Variants in STAT1 observed in about 807,000 individuals in gnomAD.
STAT1 encodes the protein signal transducer and activator of transcription 1-alpha/beta.
In STAT1, 24 loss-of-function variants were observed where a neutral mutation model predicts 111.7. That is an observed-to-expected ratio of 0.21 (90% confidence interval 0.16 to 0.30). The LOEUF (loss-of-function observed/expected upper bound fraction) is 0.30. Ranked by LOEUF, STAT1 falls within the 10% of genes least tolerant of loss-of-function variation. The pLI, the probability that STAT1 is intolerant of heterozygous loss-of-function variation, is 1.00. For missense variants in STAT1, 351 were observed against 911.9 expected (o/e 0.38, Z 7.92); for synonymous variants, 332 against 326.5 (o/e 1.02, Z -0.18).
chr2:190,987,162 G>C lies in STAT1; in HGVS notation c.1098-94C>G. ...AGAGTATAAGAGCATAAGAGTGTAAGTGAATGATGAATAAAAAATAAATCT... is the reference window on the plus strand; with the variant it reads ...AGAGTATAAGAGCATAAGAGTGTAACTGAATGATGAATAAAAAATAAATCT... On this transcript the variant is annotated intron_variant, in intron 12 of 24. Transcript: ENST00000361099. This position sits in a 1 kb window ranked among gnomAD's most constrained non-coding sequence, Gnocchi z 4.0. 1 of 946,668 alleles carries C rather than the reference G, an allele frequency of 1.1e-6. No individual in the cohort carries two copies. Among genetic ancestry groups the C allele is most frequent in the East Asian group, 2.6e-5 (1 of 39,204 alleles). The allele number at this position is 946,668 out of a possible 1,614,324, so 58.6% of individuals were successfully genotyped here.
chr2:191,001,889 C>T (rs11677408), intron 5 of STAT1, among the ~76,000 whole-genome samples: 8,829 of 152,142 alleles, frequency 0.058, 317 homozygotes, highest in East Asian at 0.11. Flanking sequence ...AACCAGTGAT[C>T]CCTGTTCTCA....
rs1695353681 is a variant in STAT1 at position 191,014,052 on chromosome 2, C to A, written c.-190G>T. ...AGGATCCGGAAGGGCTAGGCGGGGG[C>A]GCGGCGGTGCAGCCTCTCCCGAGCG... On this transcript the variant is annotated 5_prime_UTR_variant, in exon 1 of 25. Transcript: ENST00000361099. 5.7e-6 allele frequency: 1 copy of A among 175,444 alleles called. No homozygotes were observed. Among genetic ancestry groups the A allele is most frequent in the African/African-American group, 2.4e-5 (1 of 42,478 alleles). 10.9% of individuals were successfully genotyped at this position (175,444 alleles called of 1,614,324 possible).
In STAT1 at chr2:190,980,515, C is replaced by T. The variant is rs548555556; in HGVS notation, c.1632+105G>A. 2.7e-5 allele frequency: 37 copies of T among 1,363,514 alleles called. No individual in the cohort carries two copies. Among genetic ancestry groups the T allele is most frequent in the Admixed American group, 1.9e-4 (11 of 59,280 alleles). The allele number at this position is 1,363,514 out of a possible 1,614,324, so 84.5% of individuals were successfully genotyped here. On this transcript the variant is annotated intron_variant, in intron 19 of 24. Transcript: ENST00000361099. This position sits in a 1 kb window ranked among gnomAD's most constrained non-coding sequence, Gnocchi z 6.1. ...GGGGCTCCTTGGCCAGAGAAGAACA[C>T]GCCAAAATAAGCAAACAGTTAAGTA...
At chr2:191,008,101 C>G in intron 4 of STAT1, 1 of 428,790 alleles carries the variant, frequency 2.3e-6, no homozygotes, top group South Asian at 1.7e-5. Context: ...ATTGTCAAAG[C>G]TAGTTTGCAA....
intron 1 of STAT1, 63 bp downstream of exon 1, chr2:191,013,955 C>G (rs552976654): frequency 1.0e-5 from 3 of 296,404 alleles, no homozygotes; most frequent in East Asian, 1.1e-4. Context: ...TCCAACTGCA[C>G]GGCCCGAGGA....
intron 15 of STAT1, 81 bp downstream of exon 15, chr2:190,985,538 G>T: frequency 6.8e-7 from 1 of 1,467,638 alleles, no homozygotes; most frequent in Non-Finnish European, 9.6e-7. Context: ...TCTGTGAGGT[G>T]TCCCCAGCCA....
rs1297706128 is a variant in STAT1, at chr2:191,007,812, A to G, written c.274-151T>C. On this transcript the variant is annotated intron_variant, in intron 4 of 24. Coordinates refer to ENST00000361099, the MANE Select transcript of STAT1 (RefSeq NM_007315.4). This position sits in a 1 kb window ranked among gnomAD's most constrained non-coding sequence, Gnocchi z 4.2. ...ATATAAGCTATGTTTGTTAAAATCAAAATATTTCTTTCACGAATTATGACA... is the reference window on the plus strand; with the variant it reads ...ATATAAGCTATGTTTGTTAAAATCAGAATATTTCTTTCACGAATTATGACA... 1 of 684,668 alleles carries G rather than the reference A, an allele frequency of 1.5e-6. No homozygotes were observed. Among genetic ancestry groups the G allele is most frequent in the Non-Finnish European group, 2.5e-6 (1 of 400,730 alleles). 42.4% of individuals were successfully genotyped at this position (684,668 alleles called of 1,614,324 possible).
In STAT1 at chr2:190,989,240, T is replaced by C. The variant is rs1041600992; in HGVS notation, c.1097+375A>G. Among the ~76,000 whole-genome samples the C allele has an allele frequency of 6.6e-6, 1 of 152,234 alleles. No homozygotes were observed. The highest frequency in any genetic ancestry group is 1.5e-5 in the Non-Finnish European group (1 of 68,050). On this transcript the variant is annotated intron_variant, in intron 12 of 24. Coordinates refer to ENST00000361099, the MANE Select transcript of STAT1 (RefSeq NM_007315.4). The surrounding 1 kb of genome is among the most constrained non-coding windows in gnomAD (Gnocchi z 5.0). ...GGGTGGCATGCCAAGTCCAGCCACT[T>C]TGAGACTTGCTGATTACAATCTCAT...
Position 190,984,822 on chromosome 2 carries a change from A to G in STAT1, c.1264-429T>C, listed in dbSNP as rs1692670179. Among the ~76,000 whole-genome samples, 1 of 152,234 alleles carries G rather than the reference A, an allele frequency of 6.6e-6. No individual in the cohort carries two copies. The highest frequency in any genetic ancestry group is 2.4e-5 in the African/African-American group (1 of 41,456). ...ACTCACATCAACTTGGCAGGTCACA[A>G]GTTGTCTTGGTTTCGGTAGAAATGG... On this transcript the variant is annotated intron_variant, in intron 15 of 24. Transcript: ENST00000361099. This position sits in a 1 kb window ranked among gnomAD's most constrained non-coding sequence, Gnocchi z 5.2.
In STAT1 at chr2:190,969,857, T is replaced by C. The variant is rs1691320042; in HGVS notation, c.*846A>G. ...AAATTTCTGAGTTTATCTACATCTA[T>C]GGTTAATTTCAACTTTTGAATGAGT... On this transcript the variant is annotated 3_prime_UTR_variant, in exon 25 of 25. Coordinates refer to ENST00000361099, the MANE Select transcript of STAT1 (RefSeq NM_007315.4). 1 of 152,236 alleles carries C rather than the reference T, an allele frequency of 6.6e-6. No homozygotes were observed. Among genetic ancestry groups the C allele is most frequent in the African/African-American group, 2.4e-5 (1 of 41,458 alleles). 9.4% of individuals were successfully genotyped at this position (152,236 alleles called of 1,614,324 possible).
rs1692803104 is a variant in STAT1 at position 190,986,195 on chromosome 2, G to A, written c.1222-535C>T. 6.6e-6 allele frequency among the ~76,000 whole-genome samples: 1 copy of A among 152,188 alleles called. No homozygotes were observed. Among genetic ancestry groups the A allele is most frequent in the Non-Finnish European group, 1.5e-5 (1 of 68,038 alleles). ...AGCTTCCTAGCTACGAGGCTTGCTG[G>A]ATCACAAAGTGGTCTCTAGTGAAAA... On this transcript the variant is annotated intron_variant, in intron 14 of 24. Transcript: ENST00000361099. This position sits in a 1 kb window ranked among gnomAD's most constrained non-coding sequence, Gnocchi z 5.0.
Position 190,978,213 on chromosome 2 carries a change from A to G in STAT1, c.1873+643T>C, listed in dbSNP as rs1692062536. Among the ~76,000 whole-genome samples the G allele has an allele frequency of 6.6e-6, 1 of 152,212 alleles. No homozygotes were observed. The highest frequency in any genetic ancestry group is 1.9e-4 in the East Asian group (1 of 5,202). On this transcript the variant is annotated intron_variant, in intron 21 of 24. Coordinates refer to ENST00000361099, the MANE Select transcript of STAT1 (RefSeq NM_007315.4). The surrounding 1 kb of genome is among the most constrained non-coding windows in gnomAD (Gnocchi z 6.1). Reference sequence around the variant, plus strand: ...CTTCAAACAGACCAAACTCTAAACAACAGTGAAAAGTAATCAGTTGGTCTT... The same window carrying G: ...CTTCAAACAGACCAAACTCTAAACAGCAGTGAAAAGTAATCAGTTGGTCTT...
chr2:191,009,632 A>G (rs1694978096), intron 3 of STAT1, among the ~76,000 whole-genome samples: 2 of 152,248 alleles, frequency 1.3e-5, no homozygotes, highest in Non-Finnish European at 2.9e-5. Context: ...AGGAATATCT[A>G]TCATAAATTA....
Position 190,984,682 on chromosome 2 carries a change from C to G in STAT1, c.1264-289G>C, listed in dbSNP as rs1351529400. Among the ~76,000 whole-genome samples, 1 of 152,186 alleles carries G rather than the reference C, an allele frequency of 6.6e-6. No individual in the cohort carries two copies. The highest frequency in any genetic ancestry group is 6.5e-5 in the Admixed American group (1 of 15,280). ...TGACCTAAGGCTTCTCGACCCTCAG[C>G]TCTGTCTGCCTGCCCAGTGTGGCTG... On this transcript the variant is annotated intron_variant, in intron 15 of 24. Transcript: ENST00000361099. This position sits in a 1 kb window ranked among gnomAD's most constrained non-coding sequence, Gnocchi z 5.2.
rs1221044628 is a variant in STAT1, at chr2:190,969,922, A to G, written c.*781T>C. ...TAACTCCCTTGGGAGAACTGTAAAA[A>G]TAATTGTATGTGACCAAGATGAAAG... On this transcript the variant is annotated 3_prime_UTR_variant, in exon 25 of 25. Transcript: ENST00000361099. 1 of 152,320 alleles carries G rather than the reference A, an allele frequency of 6.6e-6. No homozygotes were observed. Among genetic ancestry groups the G allele is most frequent in the Middle Eastern group, 3.2e-3 (1 of 316 alleles). 9.4% of individuals were successfully genotyped at this position (152,320 alleles called of 1,614,324 possible). A position where few individuals can be genotyped will look rare whatever the true frequency, so the allele number is the denominator to read the frequency against.
At position 190,990,668 on chromosome 2, in the gene STAT1, T is replaced by C. The variant is rs761900277; in HGVS notation, c.1037+560A>G. ...CTAATTTTTTAAAAAGGAAACATTA[T>C]GTCATGTTTGTGCGTGTGTGTTTCC... On this transcript the variant is annotated intron_variant, in intron 11 of 24. Coordinates refer to ENST00000361099, the MANE Select transcript of STAT1 (RefSeq NM_007315.4). This position sits in a 1 kb window ranked among gnomAD's most constrained non-coding sequence, Gnocchi z 5.1. Among the ~76,000 whole-genome samples the C allele has an allele frequency of 2.0e-5, 3 of 152,208 alleles. No individual in the cohort carries two copies. The highest frequency in any genetic ancestry group is 4.4e-5 in the Non-Finnish European group (3 of 68,044).
chr2:190,991,203 T>C (rs1425752839), intron 11 of STAT1, 25 bp downstream of exon 11: 3 of 1,608,224 alleles, frequency 1.9e-6, no homozygotes, highest in East Asian at 2.2e-5. Flanking sequence ...AGGTGATGTA[T>C]GGGATGCCAT....
Position 190,997,459 on chromosome 2 carries a change from A to G in STAT1, c.785+397T>C, listed in dbSNP as rs41474144. ...GTGCCCGGCACACAGTAGGCATTTA[A>G]TAAGTATTACTGGATGGATGACTGA... On this transcript the variant is annotated intron_variant, in intron 9 of 24. Transcript: ENST00000361099. The surrounding 1 kb of genome is among the most constrained non-coding windows in gnomAD (Gnocchi z 7.3). Among the ~76,000 whole-genome samples the G allele has an allele frequency of 0.11, 17,132 of 152,194 alleles. 1,532 individuals carry two copies. The highest frequency in any genetic ancestry group is 0.25 in the African/African-American group (10,254 of 41,488).
At position 190,999,957 on chromosome 2, in the gene STAT1, T is replaced by A. The variant is rs1322848447; in HGVS notation, c.463-253A>T. Among the ~76,000 whole-genome samples, 1 of 152,214 alleles carries A rather than the reference T, an allele frequency of 6.6e-6. No individual in the cohort carries two copies. Among genetic ancestry groups the A allele is most frequent in the Admixed American group, 6.5e-5 (1 of 15,280 alleles). On this transcript the variant is annotated intron_variant, in intron 6 of 24. Transcript: ENST00000361099. The surrounding 1 kb of genome is among the most constrained non-coding windows in gnomAD (Gnocchi z 4.1). ...CTGATTTGTATGTCCTTAACCTGGTTCCAGCGCCTAAATTTTGATTCTTCC... is the reference window on the plus strand; with the variant it reads ...CTGATTTGTATGTCCTTAACCTGGTACCAGCGCCTAAATTTTGATTCTTCC...
Sources: gnomAD v4.1 joint callset for allele counts (sites outside exome capture counted in the v4.1 genomes callset) on GRCh38, gnomAD v4.1.1 for gene constraint, Gnocchi (gnomAD v3.1) non-coding constraint, MANE v1.5 for transcripts, NCBI Gene and HGNC (gene_info 2026-07-23, HGNC 2026-07-21) for gene names.